SLC17A5: variants seen among roughly 807,000 people sequenced by gnomAD.
The protein encoded by SLC17A5 is solute carrier family 17 member 5.
In SLC17A5, 47 loss-of-function variants were observed where a neutral mutation model predicts 59.4. That is an observed-to-expected ratio of 0.79 (90% confidence interval 0.63 to 1.01). The LOEUF is 1.01. Ranked by LOEUF, SLC17A5 falls within the 50% of genes least tolerant of loss-of-function variation. SLC17A5 has a pLI of 0.00. For synonymous variants in SLC17A5, 202 were observed against 210.7 expected (o/e 0.96, Z 0.36); for missense variants, 522 against 595.5 (o/e 0.88, Z 1.28).
intron 10 of SLC17A5, among the ~76,000 whole-genome samples, chr6:73,596,070 T>G (rs1397594377): frequency 2.0e-5 from 3 of 151,866 alleles, no homozygotes; most frequent in African/African-American, 7.3e-5. Flanking sequence ...CCTCCCGCAG[T>G]GATGGTACTA....
At chr6:73,609,564 C>T (rs1767553018) in intron 9 of SLC17A5, among the ~76,000 whole-genome samples, 1 of 152,200 alleles carries the variant, frequency 6.6e-6, no homozygotes, top group Admixed American at 6.5e-5. Context: ...TACTCTTTCA[C>T]ATTCATTCAT....
intron 6 of SLC17A5, among the ~76,000 whole-genome samples, chr6:73,629,036 C>T (rs189615545): frequency 1.3e-5 from 2 of 152,166 alleles, no homozygotes; most frequent in Non-Finnish European, 2.9e-5. Context: ...CTTCGCAATG[C>T]TGCAAAATTG....
chr6:73,612,105 C>T (rs1197640421), intron 8 of SLC17A5, among the ~76,000 whole-genome samples: 2 of 152,024 alleles, frequency 1.3e-5, no homozygotes, highest in Admixed American at 1.3e-4. Flanking sequence ...CTCTGCCTCC[C>T]AGGTGTAAGC....
At chr6:73,653,590 G>C (rs917559547) in intron 1 of SLC17A5, 3 of 710,314 alleles carry the variant, frequency 4.2e-6, no homozygotes, top group East Asian at 1.6e-4. Context: ...CGCGGCCCCC[G>C]GGGTTCCCGA....
intron 1 of SLC17A5, among the ~76,000 whole-genome samples, chr6:73,650,370 G>C (rs534399155): frequency 6.6e-6 from 1 of 151,462 alleles, no homozygotes; most frequent in Non-Finnish European, 1.5e-5. Context: ...TTAGCCGGGC[G>C]TGGTGGCGGG....
At chr6:73,602,206 A>C (rs1767163411) in intron 9 of SLC17A5, among the ~76,000 whole-genome samples, 1 of 149,956 alleles carries the variant, frequency 6.7e-6, no homozygotes, top group Non-Finnish European at 1.5e-5. Context: ...AGGGCGGTGC[A>C]AGATGTGCTT....
At chr6:73,599,682 C>T (rs1203485450) in intron 10 of SLC17A5, among the ~76,000 whole-genome samples, 2 of 152,092 alleles carry the variant, frequency 1.3e-5, no homozygotes, top group Admixed American at 6.6e-5. Flanking sequence ...TAACAGGTAC[C>T]GTGTCACTTA....
At chr6:73,628,049 A>G (rs1442532562) in intron 6 of SLC17A5, among the ~76,000 whole-genome samples, 1 of 151,820 alleles carries the variant, frequency 6.6e-6, no homozygotes, top group Non-Finnish European at 1.5e-5. Flanking sequence ...CCTCCTGAGT[A>G]GCTGAGACTA....
At position 73,638,424 on chromosome 6, in the gene SLC17A5, T is replaced by C. The variant is rs778398432; in HGVS notation, c.601A>G (p.Ile201Val). 2.5e-6 allele frequency: 4 copies of C among 1,613,566 alleles called. No homozygotes were observed. The highest frequency in any genetic ancestry group is 3.4e-6 in the Non-Finnish European group (4 of 1,179,502). Residue 201 changes from isoleucine to valine, a missense_variant, in exon 4 of 11, where the codon ATT becomes GTT. Transcript: ENST00000355773. ...ATTGTTATCTCACCTGCATATGAAA[T>C]GCTAAGAAGTTTGCTTCTTTCAAGA... ...PPLERSKLLS[I>V]SYAGAQLGTV...
chr6:73,626,146 T>G (rs1768401503), intron 6 of SLC17A5, among the ~76,000 whole-genome samples: 1 of 152,178 alleles, frequency 6.6e-6, no homozygotes, highest in Non-Finnish European at 1.5e-5. Context: ...TAACCTGAAA[T>G]AAGAAATATT....
intron 6 of SLC17A5, among the ~76,000 whole-genome samples, chr6:73,626,296 T>C (rs1449405359): frequency 6.6e-6 from 1 of 152,200 alleles, no homozygotes; most frequent in Non-Finnish European, 1.5e-5. Context: ...AGGTTCTCAA[T>C]AGCTGCTTAT....
intron 10 of SLC17A5, 46 bp from the exon 11 acceptor site, chr6:73,595,260 T>C (rs376135689): frequency 1.2e-6 from 2 of 1,604,016 alleles, no homozygotes; most frequent in African/African-American, 1.3e-5. Flanking sequence ...ATTTTGTGTG[T>C]AGTTCACTTC....
intron 7 of SLC17A5, among the ~76,000 whole-genome samples, chr6:73,621,131 G>A (rs977363653): frequency 6.6e-6 from 1 of 151,880 alleles, no homozygotes; most frequent in East Asian, 1.9e-4. Flanking sequence ...TCAACCTCTC[G>A]AGTAGCTGGG....
At position 73,610,393 on chromosome 6, in the gene SLC17A5, T is replaced by G; in HGVS notation, c.1259+7A>C. 1 of 1,613,818 alleles carries G rather than the reference T, an allele frequency of 6.2e-7. No individual in the cohort carries two copies. The highest frequency in any genetic ancestry group is 2.2e-5 in the East Asian group (1 of 44,874). On this transcript the variant is annotated splice_region_variant and intron_variant, in intron 9 of 10. Coordinates refer to ENST00000355773, the MANE Select transcript of SLC17A5 (RefSeq NM_012434.5). ...CAATCACAGCAAATCTTTATATTAGTACTCACGAAGGAGCAATATCCAGAT... is the reference window on the plus strand; with the variant it reads ...CAATCACAGCAAATCTTTATATTAGGACTCACGAAGGAGCAATATCCAGAT...
chr6:73,653,232 C>CT, intron 1 of SLC17A5: 3 of 985,388 alleles, frequency 3.0e-6, no homozygotes, highest in Non-Finnish European at 3.6e-6. Context: ...AACTCCAGTC[C>CT]TTTTTTGTCT....
chr6:73,601,952 T>G (rs1052102764), intron 9 of SLC17A5, among the ~76,000 whole-genome samples: 1 of 151,728 alleles, frequency 6.6e-6, no homozygotes, highest in African/African-American at 2.4e-5. Flanking sequence ...CAACAGCTCA[T>G]TGAGAACGGG....
intron 9 of SLC17A5, among the ~76,000 whole-genome samples, chr6:73,608,418 T>C (rs1268282439): frequency 1.3e-5 from 2 of 152,080 alleles, no homozygotes; most frequent in Non-Finnish European, 2.9e-5. Context: ...ATCATTTCAT[T>C]GTGTGATTTT....
chr6:73,649,528 C>A (rs1769747254), intron 1 of SLC17A5, among the ~76,000 whole-genome samples: 1 of 152,118 alleles, frequency 6.6e-6, no homozygotes, highest in South Asian at 2.1e-4. Flanking sequence ...TGGCTTGAGT[C>A]TGGGAAGTTT....
At chr6:73,653,711 G>T in intron 1 of SLC17A5, 82 bp downstream of exon 1, 1 of 1,368,124 alleles carries the variant, frequency 7.3e-7, no homozygotes, top group Non-Finnish European at 1.0e-6. Flanking sequence ...CAGGGTGCGG[G>T]TACCCGGGCC....
Sources: gnomAD v4.1 joint callset for allele counts (sites outside exome capture counted in the v4.1 genomes callset) on GRCh38, gnomAD v4.1.1 for gene constraint, MANE v1.5 for transcripts, NCBI Gene and HGNC (gene_info 2026-07-23, HGNC 2026-07-21) for gene names.